PRKG1: variants seen among roughly 807,000 people sequenced by gnomAD.
PRKG1 encodes the protein cGMP-dependent protein kinase 1.
In PRKG1, 35 loss-of-function variants were observed where a neutral mutation model predicts 88.1. The ratio of observed to expected loss-of-function variants is 0.40; its 90% CI spans 0.30 to 0.53. PRKG1 has a LOEUF of 0.53. PRKG1 is among the 20% of genes least tolerant of loss of function. The probability of loss-of-function intolerance (pLI) is 0.59; values close to 1 mark genes in which losing one functional copy is unlikely to be tolerated. For missense variants in PRKG1, 540 were observed against 839.8 expected (o/e 0.64, Z 4.41); for synonymous variants, 303 against 292.5 (o/e 1.04, Z -0.37).
chr10:51,286,804 G>A (rs1053305965), intron 2 of PRKG1, among the ~76,000 whole-genome samples: 11 of 152,144 alleles, frequency 7.2e-5, no homozygotes, highest in Non-Finnish European at 1.2e-4. Context: ...ATCTAGCTGA[G>A]AGCTAAGAAT....
At chr10:52,157,279 CAT>C (rs1217098944) in intron 8 of PRKG1, among the ~76,000 whole-genome samples, 3 of 123,288 alleles carry the variant, frequency 2.4e-5, no homozygotes, top group Admixed American at 8.5e-5. Context: ...CACATATATA[CAT>C]ATATATATTG....
intron 10 of PRKG1, among the ~76,000 whole-genome samples, chr10:52,266,822 T>C (rs1174531208): frequency 6.6e-6 from 1 of 151,570 alleles, no homozygotes; most frequent in Non-Finnish European, 1.5e-5. Context: ...ATTAGTCAAA[T>C]GTCACACTAG....
intron 2 of PRKG1, among the ~76,000 whole-genome samples, chr10:51,232,609 T>C (rs1838874592): frequency 6.6e-6 from 1 of 152,218 alleles, no homozygotes; most frequent in African/African-American, 2.4e-5. Context: ...TCTGTCTTGT[T>C]GTTCTTTGAG....
intron 2 of PRKG1, among the ~76,000 whole-genome samples, chr10:51,429,863 A>G (rs922146937): frequency 1.1e-4 from 16 of 151,992 alleles, no homozygotes; most frequent in Admixed American, 7.2e-4. Context: ...AGAGAGTCTC[A>G]AAGACCTTTA....
intron 3 of PRKG1, among the ~76,000 whole-genome samples, chr10:51,532,527 G>A (rs1285074699): frequency 6.6e-6 from 1 of 152,098 alleles, no homozygotes; most frequent in Non-Finnish European, 1.5e-5. Flanking sequence ...TTTTAAATCA[G>A]CAGTCATGCC....
chr10:51,344,259 T>TG (rs1189628189), intron 2 of PRKG1, among the ~76,000 whole-genome samples: 3 of 151,924 alleles, frequency 2.0e-5, no homozygotes, highest in Non-Finnish European at 2.9e-5. Context: ...GAGAGAGAGC[T>TG]GGGGGGGTAC....
At chr10:51,090,777 T>G (rs1300287737) in intron 1 of PRKG1, among the ~76,000 whole-genome samples, 5 of 152,206 alleles carry the variant, frequency 3.3e-5, no homozygotes, top group African/African-American at 9.6e-5. Flanking sequence ...GTTGAAGGTT[T>G]TAAAGACCCA....
intron 2 of PRKG1, among the ~76,000 whole-genome samples, chr10:51,428,096 G>A (rs748161229): frequency 2.6e-4 from 40 of 152,130 alleles, no homozygotes; most frequent in Non-Finnish European, 5.3e-4. Flanking sequence ...AGAGGATGAC[G>A]TCTAGAATTG....
At chr10:52,282,944 A>C (rs2132450723) in intron 14 of PRKG1, among the ~76,000 whole-genome samples, 1 of 152,256 alleles carries the variant, frequency 6.6e-6, no homozygotes, top group Admixed American at 6.5e-5. Flanking sequence ...AATGAATATA[A>C]GGCAGCTGTG....
At chr10:52,008,078 A>G (rs1844784825) in intron 5 of PRKG1, among the ~76,000 whole-genome samples, 1 of 152,198 alleles carries the variant, frequency 6.6e-6, no homozygotes. Context: ...TTTGAAACTA[A>G]TAAGAACAAA....
At chr10:51,996,041 G>A (rs767110165) in intron 5 of PRKG1, among the ~76,000 whole-genome samples, 11 of 152,094 alleles carry the variant, frequency 7.2e-5, no homozygotes, top group Non-Finnish European at 1.2e-4. Context: ...GGCCGGGCAC[G>A]GTGGCTTACG....
chr10:52,200,731 T>G (rs1159668241), intron 9 of PRKG1, among the ~76,000 whole-genome samples: 2 of 152,202 alleles, frequency 1.3e-5, no homozygotes, highest in African/African-American at 4.8e-5. Flanking sequence ...ATTTTTTGAC[T>G]TTTTAGTAAT....
At chr10:51,771,258 C>T (rs1205528864) in intron 3 of PRKG1, among the ~76,000 whole-genome samples, 1 of 152,140 alleles carries the variant, frequency 6.6e-6, no homozygotes, top group Non-Finnish European at 1.5e-5. Flanking sequence ...GACCACCATT[C>T]CGTATGCGGT....
chr10:52,025,680 G>A (rs1183738937), intron 5 of PRKG1, among the ~76,000 whole-genome samples: 2 of 151,532 alleles, frequency 1.3e-5, no homozygotes, highest in Admixed American at 6.6e-5. Flanking sequence ...TGTTCCATTG[G>A]TCTATATCTC....
At position 52,161,455 on chromosome 10, in the gene PRKG1, T is replaced by A. The variant is rs182950510; in HGVS notation, c.1002-434T>A. Among the ~76,000 whole-genome samples the A allele has an allele frequency of 3.9e-5, 6 of 152,228 alleles. No individual in the cohort carries two copies. The East Asian group carries it at 1.2e-3, about 29-fold the overall frequency. On this transcript the variant is annotated intron_variant, in intron 8 of 17. Coordinates refer to ENST00000373980, the MANE Select transcript of PRKG1 (RefSeq NM_006258.4). The stretch of plus-strand genomic sequence containing the variant: ...TGTTTTTCAGAATTTGTTTGAGAAT[T>A]GTAATTAATATATGTTACTGGTAAT...
intron 1 of PRKG1, 54 bp from the exon 2 acceptor site, chr10:51,153,106 CACAA>C: frequency 6.6e-7 from 1 of 1,512,986 alleles, no homozygotes; most frequent in Non-Finnish European, 9.0e-7. Flanking sequence ...TGCTAAACCT[CACAA>C]ACTATGAAAG....
At chr10:52,234,401 C>A (rs375258711) in intron 9 of PRKG1, among the ~76,000 whole-genome samples, 2 of 151,982 alleles carry the variant, frequency 1.3e-5, no homozygotes, top group African/African-American at 2.4e-5. Flanking sequence ...AAAGGCAAAG[C>A]AGTTGAAAAC....
chr10:52,008,993 A>T (rs988964900), intron 5 of PRKG1, among the ~76,000 whole-genome samples: 38 of 152,142 alleles, frequency 2.5e-4, no homozygotes, highest in Non-Finnish European at 5.4e-4. Context: ...CATAGTAAAA[A>T]CCCTCGATAA....
At chr10:51,409,609 C>A (rs1168758399) in intron 2 of PRKG1, among the ~76,000 whole-genome samples, 1 of 151,958 alleles carries the variant, frequency 6.6e-6, no homozygotes, top group Non-Finnish European at 1.5e-5. Context: ...GTAATACCAA[C>A]ACGGGGAGGC....
Sources: allele counts gnomAD v4.1 joint callset (sites outside exome capture counted in the v4.1 genomes callset), GRCh38; gene constraint gnomAD v4.1.1; transcripts MANE v1.5; gene names NCBI Gene and HGNC (gene_info 2026-07-23, HGNC 2026-07-21).